IQCM: variants seen among roughly 807,000 people sequenced by gnomAD.
The protein encoded by IQCM is IQ motif containing M, also known as IQ domain-containing protein M.
Under a neutral mutation model 57.6 loss-of-function variants are expected in IQCM, and 45 were observed. The observed-to-expected ratio is 0.78, with a 90% CI of 0.62 to 1.00. The LOEUF (loss-of-function observed/expected upper bound fraction) is 1.00, where lower values mean the gene tolerates loss of function less well. Among genes scored for constraint, IQCM ranks in the 50% least tolerant of loss-of-function variants. IQCM has a pLI of 0.00. For synonymous variants in IQCM, 148 were observed against 158.9 expected (o/e 0.93, Z 0.51); for missense variants, 468 against 511.6 (o/e 0.91, Z 0.82).
intron 2 of IQCM, among the ~76,000 whole-genome samples, chr4:149,799,568 A>G (rs1235680882): frequency 6.6e-6 from 1 of 151,870 alleles, no homozygotes; most frequent in African/African-American, 2.4e-5. Flanking sequence ...TAAAAGTTAA[A>G]CTAAAATGAC....
In IQCM at chr4:149,530,830, T is replaced by C. The variant is rs1351921481; in HGVS notation, c.1228+17625A>G. ...CCCCCCCCCACATACACACACTAATTGCGTTCAGTTAACATCATAGCCTAT... is the reference window on the plus strand; with the variant it reads ...CCCCCCCCCACATACACACACTAATCGCGTTCAGTTAACATCATAGCCTAT... On this transcript the variant is annotated intron_variant, in intron 12 of 13. Transcript: ENST00000636793. Among the ~76,000 whole-genome samples the C allele has an allele frequency of 5.2e-5, 5 of 97,086 alleles. No homozygotes were observed. In the South Asian group the frequency reaches 1.6e-3, roughly 30 times the overall value. 63.7% of individuals were successfully genotyped at this position (97,086 alleles called of 152,430 possible). A position where few individuals can be genotyped will look rare whatever the true frequency, so the allele number is the denominator to read the frequency against.
At chr4:149,688,903 A>C (rs1762743934) in intron 5 of IQCM, among the ~76,000 whole-genome samples, 1 of 152,098 alleles carries the variant, frequency 6.6e-6, no homozygotes, top group African/African-American at 2.4e-5. Context: ...AGCCACATTT[A>C]GGAGAAAAAA....
chr4:149,773,337 GC>G (rs1293065571), intron 2 of IQCM, among the ~76,000 whole-genome samples: 1 of 148,324 alleles, frequency 6.7e-6, no homozygotes, highest in Non-Finnish European at 1.5e-5. Flanking sequence ...GGGCGACGGA[GC>G]AAAACTCCGT....
intron 7 of IQCM, among the ~76,000 whole-genome samples, chr4:149,681,346 TA>T (rs1762162500): frequency 1.3e-5 from 2 of 151,274 alleles, no homozygotes; most frequent in Admixed American, 6.6e-5. Context: ...ATCAAAATTG[TA>T]AAATACATCT....
chr4:149,560,039 G>A (rs887238240), intron 10 of IQCM, among the ~76,000 whole-genome samples: 1 of 152,138 alleles, frequency 6.6e-6, no homozygotes, highest in Non-Finnish European at 1.5e-5. Flanking sequence ...CCCCTGCTCT[G>A]GTCCATGGAA....
chr4:149,567,298 ACAATTTTTT>A (rs1750724772), intron 9 of IQCM, among the ~76,000 whole-genome samples: 1 of 152,122 alleles, frequency 6.6e-6, no homozygotes, highest in Middle Eastern at 3.4e-3. Context: ...ACTTCATCTG[ACAATTTTTT>A]CAATATTTTT....
chr4:149,389,777 C>A (rs1578891823), intron 13 of IQCM, among the ~76,000 whole-genome samples: 1 of 151,588 alleles, frequency 6.6e-6, no homozygotes, highest in African/African-American at 2.4e-5. Context: ...TTAGTGGGTG[C>A]AGCGCACCAG....
chr4:149,477,769 C>A (rs1740352361), intron 12 of IQCM, among the ~76,000 whole-genome samples: 1 of 151,946 alleles, frequency 6.6e-6, no homozygotes, highest in Non-Finnish European at 1.5e-5. Context: ...TAGAATTGCC[C>A]AGGAGGGAAT....
chr4:149,676,554 A>G (rs1250504595), intron 7 of IQCM, among the ~76,000 whole-genome samples: 1 of 152,032 alleles, frequency 6.6e-6, no homozygotes, highest in East Asian at 1.9e-4. Flanking sequence ...CCTCTACCCA[A>G]TGAAGAAATT....
At chr4:149,412,462 A>C (rs1036792253) in intron 13 of IQCM, among the ~76,000 whole-genome samples, 1 of 152,112 alleles carries the variant, frequency 6.6e-6, no homozygotes, top group Admixed American at 6.6e-5. Context: ...ATTTCAAACC[A>C]TATATTTGTT....
chr4:149,568,863 C>T (rs1750886978), intron 9 of IQCM, among the ~76,000 whole-genome samples: 1 of 152,162 alleles, frequency 6.6e-6, no homozygotes, highest in Non-Finnish European at 1.5e-5. Context: ...ATTAAAGCCT[C>T]CTTAAATCCA....
In IQCM at chr4:149,405,872, A is replaced by C. The variant is rs13140186; in HGVS notation, c.1390+27524T>G. On this transcript the variant is annotated intron_variant, in intron 13 of 13. Coordinates refer to ENST00000636793, the MANE Select transcript of IQCM (RefSeq NM_001363507.2). ...ATATGCTCCAGATATATCTCTCTCC[A>C]TATATATATATATCTTCATATATAT... is the stretch of plus-strand genomic sequence containing the variant. Among the ~76,000 whole-genome samples the C allele has an allele frequency of 7.2e-3, 522 of 72,828 alleles. 1 individual carries two copies. Among genetic ancestry groups the C allele is most frequent in the Admixed American group, 0.014 (74 of 5,306 alleles). 47.8% of individuals were successfully genotyped at this position (72,828 alleles called of 152,430 possible). A position where few individuals can be genotyped will look rare whatever the true frequency, so the allele number is the denominator to read the frequency against.
intron 8 of IQCM, among the ~76,000 whole-genome samples, chr4:149,594,923 GTA>G (rs887074711): frequency 1.7e-4 from 26 of 152,280 alleles, no homozygotes; most frequent in African/African-American, 6.0e-4. Context: ...TGAGAAGAAT[GTA>G]TATTCTGTTG....
At chr4:149,792,019 A>G (rs1772670264) in intron 2 of IQCM, among the ~76,000 whole-genome samples, 1 of 152,198 alleles carries the variant, frequency 6.6e-6, no homozygotes, top group Non-Finnish European at 1.5e-5. Flanking sequence ...TGCAAATAGG[A>G]TGGCAAGCAA....
At chr4:149,724,670 C>A (rs1040398536) in intron 5 of IQCM, among the ~76,000 whole-genome samples, 2 of 151,938 alleles carry the variant, frequency 1.3e-5, no homozygotes, top group African/African-American at 4.8e-5. Flanking sequence ...AATATATGTG[C>A]ATGACATGGA....
chr4:149,793,830 C>A (rs1007510780), intron 2 of IQCM: 41 of 152,182 alleles, frequency 2.7e-4, no homozygotes, highest in African/African-American at 9.9e-4. Context: ...ATTTAAATAA[C>A]AAGATGACAT....
At chr4:149,593,789 G>C (rs1252939501) in intron 8 of IQCM, among the ~76,000 whole-genome samples, 3 of 152,126 alleles carry the variant, frequency 2.0e-5, no homozygotes, top group African/African-American at 7.2e-5. Flanking sequence ...AACCAGCCTT[G>C]CATCCCAAGG....
At chr4:149,678,457 G>A (rs941963522) in intron 7 of IQCM, among the ~76,000 whole-genome samples, 8 of 151,722 alleles carry the variant, frequency 5.3e-5, no homozygotes, top group African/African-American at 1.7e-4. Flanking sequence ...ATAAAAAACT[G>A]ATAAATTCTT....
At chr4:149,750,232 A>AAC (rs1323737007) in intron 2 of IQCM, among the ~76,000 whole-genome samples, 2 of 152,158 alleles carry the variant, frequency 1.3e-5, no homozygotes, top group African/African-American at 4.8e-5. Flanking sequence ...ACGGTAATGA[A>AAC]ACACACACAC....
Sources: gnomAD v4.1 joint callset for allele counts (sites outside exome capture counted in the v4.1 genomes callset) on GRCh38, gnomAD v4.1.1 for gene constraint, MANE v1.5 for transcripts, NCBI Gene and HGNC (gene_info 2026-07-23, HGNC 2026-07-21) for gene names.